The following TBC1D22A variants were observed in gnomAD, a reference collection of about 807,000 sequenced individuals.
TBC1D22A encodes putative GTPase activator.
Under a neutral mutation model 60.2 loss-of-function variants are expected in TBC1D22A, and 38 were observed. That is an observed-to-expected ratio of 0.63 (90% CI 0.49 to 0.83). The LOEUF (loss-of-function observed/expected upper bound fraction) is 0.83, where lower values mean the gene tolerates loss of function less well. Ranked by LOEUF, TBC1D22A falls within the 40% of genes least tolerant of loss-of-function variation. TBC1D22A has a pLI of 0.00. For synonymous variants in TBC1D22A, 302 were observed against 281.7 expected, an observed-to-expected ratio of 1.07 and a Z score of -0.72; for missense variants, 628 against 701.0, an observed-to-expected ratio of 0.90 and a Z score of 1.18.
chr22:46,858,036 C>T (rs1306824558), intron 4 of TBC1D22A, among the ~76,000 whole-genome samples: 2 of 152,110 alleles, frequency 1.3e-5, no homozygotes, highest in Admixed American at 6.5e-5. Context: ...TGTTGAGCAT[C>T]GCCAGGAGCT....
At chr22:46,995,315 T>A (rs1291915984) in intron 9 of TBC1D22A, among the ~76,000 whole-genome samples, 1 of 152,144 alleles carries the variant, frequency 6.6e-6, no homozygotes, top group Non-Finnish European at 1.5e-5. Flanking sequence ...CAGTTTGGAA[T>A]CCAGAGCCTG....
chr22:47,052,427 G>A (rs1414602645), intron 11 of TBC1D22A, among the ~76,000 whole-genome samples: 2 of 152,148 alleles, frequency 1.3e-5, no homozygotes, highest in Non-Finnish European at 2.9e-5. Flanking sequence ...TGGGAGGCTG[G>A]GAAGAAAGAT....
intron 4 of TBC1D22A, among the ~76,000 whole-genome samples, chr22:46,802,928 A>C (rs2084958498): frequency 6.6e-6 from 1 of 151,752 alleles, no homozygotes; most frequent in African/African-American, 2.4e-5. Flanking sequence ...AAGAGCCAGG[A>C]CCCCCATAGC....
At chr22:46,806,891 T>C (rs1410177841) in intron 4 of TBC1D22A, among the ~76,000 whole-genome samples, 1 of 152,212 alleles carries the variant, frequency 6.6e-6, no homozygotes, top group Non-Finnish European at 1.5e-5. Context: ...GGAATTGGGT[T>C]TGCTGATATG....
intron 11 of TBC1D22A, among the ~76,000 whole-genome samples, chr22:47,064,818 T>C (rs1369128610): frequency 2.6e-5 from 4 of 152,240 alleles, no homozygotes; most frequent in African/African-American, 9.6e-5. Flanking sequence ...TTTAATTAAA[T>C]TTCACGAAGA....
rs753388762 is a variant in TBC1D22A, at chr22:46,878,740, C to G, written c.708+17C>G. 2 of 1,610,986 alleles carry G rather than the reference C, an allele frequency of 1.2e-6. No homozygotes were observed. The highest frequency in any genetic ancestry group is 4.5e-5 in the East Asian group (2 of 44,880). On this transcript the variant is annotated intron_variant, in intron 5 of 12. Transcript: ENST00000337137. ...CTCCTCTCAGTAAGTCCCACCGCAC[C>G]GCCCATCAGCGCCTCCTTCCTGTGC...
In TBC1D22A at chr22:46,811,577, A is replaced by G. The variant is rs1268989735; in HGVS notation, c.637+13957A>G. Among the ~76,000 whole-genome samples, 3 of 152,180 alleles carry G rather than the reference A, an allele frequency of 2.0e-5. No homozygotes were observed. The South Asian group carries it at 6.2e-4, about 32-fold the overall frequency. The stretch of plus-strand genomic sequence containing the variant: ...GCAGCAGCAGCAACAGTCACAAGCA[A>G]CGGTCACAACGGTGTATCGAGCTGC... On this transcript the variant is annotated intron_variant, in intron 4 of 12. Coordinates refer to ENST00000337137, the MANE Select transcript of TBC1D22A (RefSeq NM_014346.5).
intron 12 of TBC1D22A, among the ~76,000 whole-genome samples, chr22:47,141,084 C>T (rs116006322): frequency 1.3e-3 from 199 of 152,282 alleles, no homozygotes; most frequent in African/African-American, 1.9e-3. Flanking sequence ...ACATGGAGGA[C>T]GGCGAAGGAG....
intron 1 of TBC1D22A, chr22:46,774,288 A>T (rs534297380): frequency 1.8e-5 from 18 of 984,378 alleles, no homozygotes; most frequent in Non-Finnish European, 2.1e-5. Flanking sequence ...GACAAGAGGC[A>T]GAGGTATCAG....
intron 11 of TBC1D22A, among the ~76,000 whole-genome samples, chr22:47,094,671 T>C (rs1328759348): frequency 6.6e-6 from 1 of 152,196 alleles, no homozygotes; most frequent in Non-Finnish European, 1.5e-5. Flanking sequence ...TAAATATCCA[T>C]TGGGAATTTT....
intron 8 of TBC1D22A, among the ~76,000 whole-genome samples, chr22:46,972,649 G>A (rs1297676549): frequency 6.6e-6 from 1 of 152,184 alleles, no homozygotes; most frequent in South Asian, 2.1e-4. Context: ...GGAGTGGGGA[G>A]CGGCTGCTGA....
At chr22:46,824,052 T>A (rs114619250) in intron 4 of TBC1D22A, among the ~76,000 whole-genome samples, 2,992 of 152,304 alleles carry the variant, frequency 0.02, 97 homozygotes, top group African/African-American at 0.066. Context: ...GTAATACATT[T>A]TATTAATATA....
chr22:46,920,520 T>C (rs1185486630), intron 8 of TBC1D22A, among the ~76,000 whole-genome samples: 1 of 152,208 alleles, frequency 6.6e-6, no homozygotes, highest in Non-Finnish European at 1.5e-5. Context: ...TTCTGTTTCA[T>C]TCCTGATGTG....
intron 4 of TBC1D22A, among the ~76,000 whole-genome samples, chr22:46,828,351 C>A (rs943667447): frequency 6.6e-6 from 1 of 152,236 alleles, no homozygotes; most frequent in South Asian, 2.1e-4. Flanking sequence ...TTTGAAGCAG[C>A]CTGTTGTCCT....
intron 9 of TBC1D22A, among the ~76,000 whole-genome samples, chr22:46,976,075 A>G (rs1337776792): frequency 6.6e-6 from 1 of 152,220 alleles, no homozygotes; most frequent in African/African-American, 2.4e-5. Flanking sequence ...AAAAGGATTG[A>G]ATCATAATGT....
chr22:47,138,644 A>G (rs755643907), intron 12 of TBC1D22A, among the ~76,000 whole-genome samples: 1 of 152,232 alleles, frequency 6.6e-6, no homozygotes, highest in Admixed American at 6.5e-5. Flanking sequence ...GTGCTTTGCA[A>G]TTGACAAGCA....
chr22:47,006,566 C>T (rs1602959147), intron 10 of TBC1D22A, among the ~76,000 whole-genome samples: 1 of 152,216 alleles, frequency 6.6e-6, no homozygotes, highest in South Asian at 2.1e-4. Context: ...CCACCCAGGC[C>T]GGATGGCGGC....
At chr22:47,171,206 C>T (rs1414918317) in intron 12 of TBC1D22A, among the ~76,000 whole-genome samples, 1 of 152,186 alleles carries the variant, frequency 6.6e-6, no homozygotes, top group East Asian at 1.9e-4. Flanking sequence ...CTTCAGAGCC[C>T]AGCTACCCCC....
intron 12 of TBC1D22A, among the ~76,000 whole-genome samples, chr22:47,168,817 T>A (rs1402438891): frequency 6.6e-6 from 1 of 152,124 alleles, no homozygotes; most frequent in Non-Finnish European, 1.5e-5. Context: ...TTCGTTTGAC[T>A]CAGGAAAAAT....
Sources: gnomAD v4.1 joint callset for allele counts (sites outside exome capture counted in the v4.1 genomes callset) on GRCh38, gnomAD v4.1.1 for gene constraint, MANE v1.5 for transcripts, NCBI Gene and HGNC (gene_info 2026-07-23, HGNC 2026-07-21) for gene names.